The following SEMA3E variants were observed in gnomAD, a reference collection of about 807,000 sequenced individuals.
SEMA3E encodes semaphorin 3E.
SEMA3E carries 49 observed loss-of-function variants against 93.6 expected under a neutral mutation model. That is an observed-to-expected ratio of 0.52 (90% CI 0.42 to 0.66). SEMA3E has a LOEUF of 0.66. Among genes scored for constraint, SEMA3E ranks in the 30% least tolerant of loss-of-function variants. The probability of loss-of-function intolerance (pLI) is 0.00; values close to 1 mark genes in which losing one functional copy is unlikely to be tolerated. For missense variants in SEMA3E, 906 were observed against 964.8 expected, an observed-to-expected ratio of 0.94 and a Z score of 0.81; for synonymous variants, 363 against 330.7, an observed-to-expected ratio of 1.10 and a Z score of -1.06.
intron 1 of SEMA3E, among the ~76,000 whole-genome samples, chr7:83,618,408 G>T (rs1019379441): frequency 6.6e-6 from 1 of 151,774 alleles, no homozygotes; most frequent in African/African-American, 2.4e-5. Flanking sequence ...TTTTATTTTA[G>T]TACTTCATTT....
chr7:83,594,049 A>G (rs780009375), intron 1 of SEMA3E, among the ~76,000 whole-genome samples: 124 of 152,164 alleles, frequency 8.1e-4, no homozygotes, highest in Non-Finnish European at 1.4e-3. Context: ...CTTTTTTACA[A>G]TACTATCACC....
At chr7:83,575,844 T>C (rs1196964211) in intron 1 of SEMA3E, among the ~76,000 whole-genome samples, 2 of 152,204 alleles carry the variant, frequency 1.3e-5, no homozygotes, top group African/African-American at 4.8e-5. Context: ...ATATATATAC[T>C]GTGACCGTCA....
intron 1 of SEMA3E, among the ~76,000 whole-genome samples, chr7:83,507,901 G>A (rs1405725508): frequency 6.6e-6 from 1 of 152,052 alleles, no homozygotes; most frequent in Non-Finnish European, 1.5e-5. Context: ...CAGTGAGCAT[G>A]GCCACACCAC....
rs560855454 is a variant in SEMA3E, at chr7:83,591,172, C to T, written c.115+57256G>A. On this transcript the variant is annotated intron_variant, in intron 1 of 16. Coordinates refer to ENST00000643230, the MANE Select transcript of SEMA3E (RefSeq NM_012431.3). ...ATAAGTAAATGTTTAGTTTTACTGC[C>T]GATAGAAATACAATTTACAAAATTT... 1.5e-4 allele frequency among the ~76,000 whole-genome samples: 23 copies of T among 149,240 alleles called. 1 individual carries two copies. The highest frequency in any genetic ancestry group is 3.6e-3 in the Middle Eastern group (1 of 278).
intron 1 of SEMA3E, among the ~76,000 whole-genome samples, chr7:83,557,118 G>A (rs2115822889): frequency 6.6e-6 from 1 of 152,178 alleles, no homozygotes; most frequent in African/African-American, 2.4e-5. Flanking sequence ...CTGAATAAAT[G>A]TAAGGAATAT....
At chr7:83,424,619 C>G (rs746107107) in intron 4 of SEMA3E, among the ~76,000 whole-genome samples, 28 of 152,094 alleles carry the variant, frequency 1.8e-4, no homozygotes, top group East Asian at 1.9e-4. Flanking sequence ...AATAACGGAG[C>G]CTCAAAGATG....
At chr7:83,629,971 G>A (rs1444435964) in intron 1 of SEMA3E, among the ~76,000 whole-genome samples, 2 of 152,316 alleles carry the variant, frequency 1.3e-5, no homozygotes, top group African/African-American at 4.8e-5. Context: ...TGTGGGAAAA[G>A]CATAGTATCT....
At chr7:83,393,800 CCTTGCACACTATTGGATTATCATTGTT>C (rs545534699) in intron 13 of SEMA3E, among the ~76,000 whole-genome samples, 40 of 152,228 alleles carry the variant, frequency 2.6e-4, no homozygotes, top group African/African-American at 3.1e-4. Flanking sequence ...AGGTGTGTTT[CCTTGCACACTATTGGATTATCATTGTT>C]CTTGCACACT....
At position 83,551,326 on chromosome 7, in the gene SEMA3E, C is replaced by T. The variant is rs551795553; in HGVS notation, c.116-61052G>A. 4.4e-4 allele frequency among the ~76,000 whole-genome samples: 67 copies of T among 152,204 alleles called. No individual in the cohort carries two copies. In the South Asian group the frequency reaches 0.013, roughly 30 times the overall value. ...AATAACAAAATATAGCTACTCTCAA[C>T]AGTGTGAAAGAGTCTTCAAAACTTC... On this transcript the variant is annotated intron_variant, in intron 1 of 16. Coordinates refer to ENST00000643230, the MANE Select transcript of SEMA3E (RefSeq NM_012431.3).
intron 1 of SEMA3E, among the ~76,000 whole-genome samples, chr7:83,549,515 G>T (rs113645821): frequency 6.6e-6 from 1 of 151,606 alleles, no homozygotes; most frequent in Non-Finnish European, 1.5e-5. Context: ...TATCCCATTC[G>T]TATCATTAAA....
chr7:83,538,850 A>T (rs56771057), intron 1 of SEMA3E, among the ~76,000 whole-genome samples: 35,159 of 152,068 alleles, frequency 0.23, 4,423 homozygotes, highest in East Asian at 0.38. Flanking sequence ...TCATCTGCTG[A>T]AGGTCAGCTA....
intron 1 of SEMA3E, among the ~76,000 whole-genome samples, chr7:83,599,828 G>C (rs215322): frequency 1.1e-4 from 16 of 151,870 alleles, no homozygotes; most frequent in Non-Finnish European, 2.9e-5. Context: ...ATGTTTGTGT[G>C]TCTGTTTCAA....
intron 1 of SEMA3E, among the ~76,000 whole-genome samples, chr7:83,517,024 T>G (rs947606410): frequency 9.2e-5 from 14 of 151,940 alleles, no homozygotes; most frequent in Admixed American, 2.0e-4. Flanking sequence ...TAGAGTGTTT[T>G]ACTTACTGGA....
At chr7:83,574,149 T>TA (rs1278992461) in intron 1 of SEMA3E, among the ~76,000 whole-genome samples, 1 of 152,150 alleles carries the variant, frequency 6.6e-6, no homozygotes, top group East Asian at 1.9e-4. Context: ...GGATTTGCAT[T>TA]AAAAAATCTT....
chr7:83,607,592 G>GA (rs1562852935), intron 1 of SEMA3E, among the ~76,000 whole-genome samples: 2 of 152,046 alleles, frequency 1.3e-5, no homozygotes, highest in Non-Finnish European at 1.5e-5. Flanking sequence ...TTATTCACTT[G>GA]AAAAATGCTA....
chr7:83,536,678 T>TA (rs1010701192), intron 1 of SEMA3E, among the ~76,000 whole-genome samples: 1 of 152,016 alleles, frequency 6.6e-6, no homozygotes, highest in Non-Finnish European at 1.5e-5. Context: ...ATATAAATAT[T>TA]AAAAAAACAA....
At chr7:83,468,183 C>T (rs1004404698) in intron 3 of SEMA3E, among the ~76,000 whole-genome samples, 1 of 152,112 alleles carries the variant, frequency 6.6e-6, no homozygotes. Context: ...AGTGCACTAT[C>T]GAATTGATTA....
At chr7:83,517,274 T>C (rs1048701860) in intron 1 of SEMA3E, among the ~76,000 whole-genome samples, 1 of 152,130 alleles carries the variant, frequency 6.6e-6, no homozygotes, top group African/African-American at 2.4e-5. Context: ...CACTCCATTC[T>C]CCAAATAACA....
chr7:83,527,466 G>C (rs1393470445), intron 1 of SEMA3E, among the ~76,000 whole-genome samples: 1 of 152,066 alleles, frequency 6.6e-6, no homozygotes, highest in Non-Finnish European at 1.5e-5. Context: ...ATTAAACCCT[G>C]CTCCTATGGA....
Sources: gnomAD v4.1 joint callset for allele counts (sites outside exome capture counted in the v4.1 genomes callset) on GRCh38, gnomAD v4.1.1 for gene constraint, MANE v1.5 for transcripts, NCBI Gene and HGNC (gene_info 2026-07-23, HGNC 2026-07-21) for gene names.